SAMD5: variants seen among roughly 807,000 people sequenced by gnomAD.
SAMD5 encodes the protein sterile alpha motif domain-containing protein 5.
A neutral mutation model predicts 11.3 loss-of-function variants in SAMD5; 13 were observed. That is an observed-to-expected ratio of 1.15 (90% confidence interval 0.75 to 1.83). The LOEUF is 1.83. Among genes scored for constraint, SAMD5 ranks in the 40% most tolerant of loss-of-function variants. The probability of loss-of-function intolerance (pLI) is 0.00; values close to 1 mark genes in which losing one functional copy is unlikely to be tolerated. For missense variants in SAMD5, 255 were observed against 239.1 expected, an observed-to-expected ratio of 1.07 and a Z score of -0.44; for synonymous variants, 129 against 111.3, an observed-to-expected ratio of 1.16 and a Z score of -1.00.
chr6:147,718,307 C>A (rs571459442), intron 1 of SAMD5, among the ~76,000 whole-genome samples: 133 of 152,214 alleles, frequency 8.7e-4, no homozygotes, highest in Admixed American at 1.4e-3. Context: ...CATGGAAAAA[C>A]CGCCTAAATC....
intron 1 of SAMD5, among the ~76,000 whole-genome samples, chr6:147,666,697 A>G (rs1018153844): frequency 1.3e-5 from 2 of 152,206 alleles, no homozygotes; most frequent in African/African-American, 4.8e-5. Flanking sequence ...TCAAAATGCC[A>G]AATTTTGTAA....
downstream of SAMD5, among the ~76,000 whole-genome samples, chr6:147,739,009 G>A (rs567652784): frequency 3.3e-5 from 5 of 152,310 alleles, no homozygotes; most frequent in African/African-American, 7.2e-5. Context: ...AAAACCCGGA[G>A]GGGCAAACTG....
At chr6:147,531,248 A>G (rs189017425) in intron 1 of SAMD5, among the ~76,000 whole-genome samples, 1 of 152,222 alleles carries the variant, frequency 6.6e-6, no homozygotes, top group Admixed American at 6.5e-5. Context: ...TGTTTTAGAA[A>G]AATATTTTAA....
chr6:147,546,517 C>A (rs956019724), intron 1 of SAMD5, among the ~76,000 whole-genome samples: 3 of 85,868 alleles, frequency 3.5e-5, no homozygotes, highest in African/African-American at 1.4e-4. Context: ...GCAACAAGAG[C>A]GAAACTCTGT....
intron 1 of SAMD5, among the ~76,000 whole-genome samples, chr6:147,530,158 G>A (rs1183355829): frequency 6.6e-6 from 1 of 152,196 alleles, no homozygotes; most frequent in Non-Finnish European, 1.5e-5. Context: ...AGGTTTCGCT[G>A]CAGAAAGGAC....
At chr6:147,616,602 G>A (rs1413337384) in intron 1 of SAMD5, among the ~76,000 whole-genome samples, 1 of 152,116 alleles carries the variant, frequency 6.6e-6, no homozygotes, top group Non-Finnish European at 1.5e-5. Flanking sequence ...TTTGTTTGGA[G>A]TGTTAATAAA....
chr6:147,740,725 T>C (rs571109164), downstream of SAMD5, among the ~76,000 whole-genome samples: 1 of 152,350 alleles, frequency 6.6e-6, no homozygotes, highest in South Asian at 2.1e-4. Context: ...CCTATATACC[T>C]AGTTGAATTT....
the SAMD5 span, among the ~76,000 whole-genome samples, chr6:147,749,790 C>T: frequency 6.6e-6 from 1 of 151,992 alleles, no homozygotes; most frequent in East Asian, 1.9e-4. Context: ...TTGTAACCTC[C>T]AAAAATAGAA....
intron 1 of SAMD5, among the ~76,000 whole-genome samples, chr6:147,561,126 G>A (rs1788940977): frequency 6.6e-6 from 1 of 152,158 alleles, no homozygotes. Flanking sequence ...CAAAATGTTA[G>A]GGGTGTTAAG....
At chr6:147,608,847 A>T (rs1353663482) in intron 1 of SAMD5, among the ~76,000 whole-genome samples, 3 of 152,006 alleles carry the variant, frequency 2.0e-5, no homozygotes, top group Non-Finnish European at 4.4e-5. Flanking sequence ...GGGGATAGAG[A>T]CCCCATTCTC....
At chr6:147,600,911 G>T (rs1251017169) in intron 1 of SAMD5, among the ~76,000 whole-genome samples, 1 of 152,186 alleles carries the variant, frequency 6.6e-6, no homozygotes, top group East Asian at 1.9e-4. Context: ...GACTGTGTGT[G>T]AACAGTGCAC....
the SAMD5 span, among the ~76,000 whole-genome samples, chr6:147,790,410 A>C: frequency 6.6e-6 from 1 of 152,358 alleles, no homozygotes; most frequent in Admixed American, 6.5e-5. Flanking sequence ...TAAAACCCTG[A>C]AAATCACAGT....
the SAMD5 span, among the ~76,000 whole-genome samples, chr6:147,816,148 C>T: frequency 2.1e-3 from 313 of 150,350 alleles, 2 homozygotes; most frequent in African/African-American, 5.7e-3. Flanking sequence ...GGTGTGGTGG[C>T]GCGCGCCTGT....
chr6:147,541,375 GC>G (rs1788601822), intron 1 of SAMD5, among the ~76,000 whole-genome samples: 1 of 152,104 alleles, frequency 6.6e-6, no homozygotes, highest in Non-Finnish European at 1.5e-5. Context: ...TTCCATTCCA[GC>G]AAAACACACA....
the SAMD5 span, among the ~76,000 whole-genome samples, chr6:147,896,296 A>G: frequency 4.6e-5 from 7 of 151,894 alleles, no homozygotes; most frequent in Non-Finnish European, 2.9e-5. Context: ...CATGGAGCTC[A>G]GCATCACTGC....
At chr6:147,923,538 C>T in the SAMD5 span, among the ~76,000 whole-genome samples, 1 of 152,086 alleles carries the variant, frequency 6.6e-6, no homozygotes, top group Non-Finnish European at 1.5e-5. Flanking sequence ...AAAGTGCTTT[C>T]GGTTTAGATT....
At chr6:147,851,599 G>A in the SAMD5 span, among the ~76,000 whole-genome samples, 5 of 152,136 alleles carry the variant, frequency 3.3e-5, no homozygotes, top group South Asian at 2.1e-4. Context: ...AGCTCAACTC[G>A]TACCACCTCT....
At chr6:147,719,694 G>A (rs1220594627) in intron 1 of SAMD5, among the ~76,000 whole-genome samples, 1 of 152,122 alleles carries the variant, frequency 6.6e-6, no homozygotes, top group Non-Finnish European at 1.5e-5. Context: ...TCAGTAAATC[G>A]TGGGAGAGCA....
the SAMD5 span, among the ~76,000 whole-genome samples, chr6:147,877,881 CGATAGATAGATAGCT>C: frequency 3.6e-5 from 3 of 82,372 alleles, no homozygotes; most frequent in Non-Finnish European, 5.1e-5. Context: ...CACACACACA[CGATAGATAGATAGCT>C]AGATAGATAG....
Sources: allele counts gnomAD v4.1 joint callset (sites outside exome capture counted in the v4.1 genomes callset), GRCh38; gene constraint gnomAD v4.1.1; transcripts MANE v1.5; gene names NCBI Gene and HGNC (gene_info 2026-07-23, HGNC 2026-07-21).